Variants in GLG1 observed in about 807,000 individuals in gnomAD.
GLG1 encodes the protein golgi glycoprotein 1.
A neutral mutation model predicts 160.5 loss-of-function variants in GLG1; 38 were observed. The ratio of observed to expected loss-of-function variants is 0.24; its 90% CI spans 0.18 to 0.31. GLG1 has a LOEUF of 0.31. GLG1 is among the 10% of genes least tolerant of loss of function. GLG1 has a pLI of 1.00. For synonymous variants in GLG1, 644 were observed against 543.4 expected (o/e 1.19, Z -2.57); for missense variants, 1,373 against 1,505.2 (o/e 0.91, Z 1.45).
In GLG1 at chr16:74,450,946, A is replaced by G. The variant is rs181743464; in HGVS notation, c.*2221T>C. The G allele has an allele frequency of 6.6e-6, 1 of 152,208 alleles. No individual in the cohort carries two copies. The highest frequency in any genetic ancestry group is 1.5e-5 in the Non-Finnish European group (1 of 68,034). The allele number at this position is 152,208 out of a possible 1,614,324, so 9.4% of individuals were successfully genotyped here. The stretch of plus-strand genomic sequence containing the variant: ...GGGATTTTCTCTCAATTCAGAAAGA[A>G]CAGAAATATCAACACAATTAGAACT... On this transcript the variant is annotated 3_prime_UTR_variant, in exon 26 of 26. Transcript: ENST00000422840.
In GLG1 at chr16:74,529,809, G is replaced by GTTTTT. The variant is rs201693911; in HGVS notation, c.471+2311_471+2312insAAAAA. Among the ~76,000 whole-genome samples, 712 of 104,052 alleles carry GTTTTT rather than the reference G, an allele frequency of 6.8e-3. 105 individuals are homozygous for GTTTTT. Among genetic ancestry groups the GTTTTT allele is most frequent in the South Asian group, 0.011 (31 of 2,804 alleles). The allele number at this position is 104,052 out of a possible 152,430, so 68.3% of individuals were successfully genotyped here. On this transcript the variant is annotated intron_variant, in intron 2 of 25. Coordinates refer to ENST00000422840, the MANE Select transcript of GLG1 (RefSeq NM_001145667.2). Reference sequence around the variant, plus strand: ...CTTCCTATTCCTTGGCTCTTTGAGAGTTCTTTTTTTTTTTTTTTTTTTTTT... The same window carrying GTTTTT: ...CTTCCTATTCCTTGGCTCTTTGAGAGTTTTTTTCTTTTTTTTTTTTTTTTTTTTTT...
intron 1 of GLG1, among the ~76,000 whole-genome samples, chr16:74,586,194 AAACGAATGG>A (rs1958049257): frequency 1.3e-5 from 2 of 152,292 alleles, no homozygotes; most frequent in African/African-American, 4.8e-5. Flanking sequence ...AGGCCCTAGG[AAACGAATGG>A]AACCACAAGA....
At chr16:74,477,989 T>C (rs866337617) in intron 11 of GLG1, among the ~76,000 whole-genome samples, 3 of 149,896 alleles carry the variant, frequency 2.0e-5, no homozygotes, top group African/African-American at 4.9e-5. Flanking sequence ...AATAAATAAA[T>C]AAATAAATAA....
rs1439032518 is a variant in GLG1 at position 74,448,417 on chromosome 16, G to A, written c.*4750C>T. 1 of 152,114 alleles carries A rather than the reference G, an allele frequency of 6.6e-6. No homozygotes were observed. The highest frequency in any genetic ancestry group is 1.9e-4 in the East Asian group (1 of 5,186). 9.4% of individuals were successfully genotyped at this position (152,114 alleles called of 1,614,324 possible). A position where few individuals can be genotyped will look rare whatever the true frequency, so the allele number is the denominator to read the frequency against. ...AAAACCACTTAGGTGCTGCCCAAATGGTGAGAAATAAAAGGAAGCATTCTG... is the reference window on the plus strand; with the variant it reads ...AAAACCACTTAGGTGCTGCCCAAATAGTGAGAAATAAAAGGAAGCATTCTG... On this transcript the variant is annotated 3_prime_UTR_variant, in exon 26 of 26. Transcript: ENST00000422840.
chr16:74,603,739 G>A (rs1958498857), intron 1 of GLG1, among the ~76,000 whole-genome samples: 1 of 152,016 alleles, frequency 6.6e-6, no homozygotes, highest in Admixed American at 6.6e-5. Flanking sequence ...CACATACTAA[G>A]CAACAGTATC....
chr16:74,585,497 G>A (rs1252420547), intron 1 of GLG1, among the ~76,000 whole-genome samples: 2 of 152,036 alleles, frequency 1.3e-5, no homozygotes, highest in Non-Finnish European at 2.9e-5. Context: ...ATGAGGTCAT[G>A]AGATTGAGAC....
At chr16:74,463,194 T>C in intron 20 of GLG1, 162 bp downstream of exon 20, 1 of 645,328 alleles carries the variant, frequency 1.5e-6, no homozygotes, top group Non-Finnish European at 2.6e-6. Context: ...CCCTCCATTT[T>C]TCTGGATGCT....
intron 2 of GLG1, among the ~76,000 whole-genome samples, chr16:74,531,375 G>C (rs546179045): frequency 1.3e-5 from 2 of 152,234 alleles, no homozygotes; most frequent in African/African-American, 2.4e-5. Context: ...CTGGAGTGCA[G>C]TGGCACCATC....
At chr16:74,603,085 G>A (rs375683402) in intron 1 of GLG1, among the ~76,000 whole-genome samples, 101 of 142,026 alleles carry the variant, frequency 7.1e-4, no homozygotes, top group African/African-American at 2.4e-3. Context: ...GCAAGACTTC[G>A]TCTCAAACAA....
At chr16:74,542,407 T>C (rs1393470961) in intron 1 of GLG1, among the ~76,000 whole-genome samples, 3 of 152,058 alleles carry the variant, frequency 2.0e-5, no homozygotes, top group Non-Finnish European at 2.9e-5. Context: ...GTGGCTCACG[T>C]CTGTAATTCC....
At chr16:74,603,618 C>T (rs1434520933) in intron 1 of GLG1, among the ~76,000 whole-genome samples, 1 of 151,618 alleles carries the variant, frequency 6.6e-6, no homozygotes, top group Non-Finnish European at 1.5e-5. Flanking sequence ...CCATCTGAAA[C>T]TTCGAAATAC....
intron 2 of GLG1, among the ~76,000 whole-genome samples, chr16:74,521,177 G>A (rs1006031407): frequency 6.6e-6 from 1 of 152,172 alleles, no homozygotes; most frequent in African/African-American, 2.4e-5. Context: ...GGACACTGTG[G>A]CTTAAGTAGA....
At chr16:74,507,975 G>A (rs186124812) in intron 3 of GLG1, among the ~76,000 whole-genome samples, 24 of 151,940 alleles carry the variant, frequency 1.6e-4, no homozygotes, top group Admixed American at 1.2e-3. Context: ...CTTTCTGCTC[G>A]GAAGCCCCAA....
Position 74,560,326 on chromosome 16 carries a change from C to CTT in GLG1, c.439-28175_439-28174dup, listed in dbSNP as rs66983409. On this transcript the variant is annotated intron_variant, in intron 1 of 25. Transcript: ENST00000422840. ...TTTGAATTGGGACCTCAGTTTTTGT[C>CTT]TTTTTTTTTTTTTTTTTTTGAGACG... 5.6e-3 allele frequency among the ~76,000 whole-genome samples: 666 copies of CTT among 118,358 alleles called. 13 individuals carry two copies. The highest frequency in any genetic ancestry group is 0.013 in the South Asian group (45 of 3,574). The allele number at this position is 118,358 out of a possible 152,430, so 77.6% of individuals were successfully genotyped here.
intron 1 of GLG1, among the ~76,000 whole-genome samples, chr16:74,567,047 G>C (rs2018672303): frequency 6.6e-6 from 1 of 152,054 alleles, no homozygotes; most frequent in Admixed American, 6.6e-5. Context: ...TCTTTGCCCA[G>C]AAAAAGAATC....
At chr16:74,498,448 G>GTATATATATATATATATTATATTATATA (rs2016282471) in intron 4 of GLG1, among the ~76,000 whole-genome samples, 2 of 24,038 alleles carry the variant, frequency 8.3e-5, no homozygotes, top group African/African-American at 2.8e-4. Flanking sequence ...AAAAAAAAAA[G>GTATATATATATATATATTATATTATATA]TATATATATA....
intron 1 of GLG1, among the ~76,000 whole-genome samples, chr16:74,540,794 G>C (rs1308130271): frequency 6.6e-6 from 1 of 151,980 alleles, no homozygotes; most frequent in Non-Finnish European, 1.5e-5. Context: ...GCATCGAGGG[G>C]AAGAACCTTG....
chr16:74,552,389 A>G (rs953839003), intron 1 of GLG1: 8 of 582,478 alleles, frequency 1.4e-5, no homozygotes, highest in Admixed American at 4.1e-5. Flanking sequence ...CCTTCACATC[A>G]TGAAGGCCAT....
chr16:74,499,202 T>C (rs191533352), intron 4 of GLG1, among the ~76,000 whole-genome samples: 1 of 126,946 alleles, frequency 7.9e-6, no homozygotes, highest in Non-Finnish European at 1.7e-5. Context: ...GTGGAGTCTA[T>C]AAAACTCCTA....
Sources: gnomAD v4.1 joint callset for allele counts (sites outside exome capture counted in the v4.1 genomes callset) on GRCh38, gnomAD v4.1.1 for gene constraint, MANE v1.5 for transcripts, NCBI Gene and HGNC (gene_info 2026-07-23, HGNC 2026-07-21) for gene names.